The following CDKL3 variants were observed in gnomAD, a reference collection of about 807,000 sequenced individuals.
CDKL3 encodes cyclin dependent kinase like 3.
CDKL3 carries 65 observed loss-of-function variants against 69.3 expected under a neutral mutation model. The ratio of observed to expected loss-of-function variants is 0.94; its 90% CI spans 0.77 to 1.15. CDKL3 has a LOEUF of 1.15. CDKL3 is among the 50% of genes most tolerant of loss of function. The probability of loss-of-function intolerance (pLI) is 0.00; values close to 1 mark genes in which losing one functional copy is unlikely to be tolerated. For synonymous variants in CDKL3, 202 were observed against 221.6 expected (o/e 0.91, Z 0.79); for missense variants, 652 against 689.2 (o/e 0.95, Z 0.61).
exon 9 of CDKL3, chr5:134,286,472 AT>A: frequency 5.1e-6 from 1 of 197,878 alleles, no homozygotes; most frequent in Non-Finnish European, 1.0e-5. Context: ...TTGCTTCCAC[AT>A]TTTTGGGTAT....
At chr5:134,285,531 A>G (rs1368779193), downstream of CDKL3, among the ~76,000 whole-genome samples, 2 of 152,190 alleles carry the variant, frequency 1.3e-5, no homozygotes, top group Non-Finnish European at 2.9e-5. Context: ...TGCACACAGC[A>G]TGGGGACCCT....
chr5:134,344,785 T>C (rs1410572603), intron 4 of CDKL3, among the ~76,000 whole-genome samples: 2 of 152,106 alleles, frequency 1.3e-5, no homozygotes, highest in East Asian at 3.9e-4. Context: ...AGCCATAGGC[T>C]GGGTGCAGTG....
At chr5:134,364,287 T>C (rs983030599) in intron 2 of CDKL3, among the ~76,000 whole-genome samples, 9 of 152,192 alleles carry the variant, frequency 5.9e-5, no homozygotes, top group Non-Finnish European at 1.2e-4. Flanking sequence ...TAGGATTCTG[T>C]CTTCTTCCCT....
intron 8 of CDKL3, among the ~76,000 whole-genome samples, chr5:134,288,611 G>A (rs1181265129): frequency 6.6e-6 from 1 of 152,176 alleles, no homozygotes; most frequent in East Asian, 1.9e-4. Flanking sequence ...AGGGAATTAA[G>A]TCAGGATAAA....
At chr5:134,343,575 G>C (rs961324085) in intron 4 of CDKL3, among the ~76,000 whole-genome samples, 2 of 152,198 alleles carry the variant, frequency 1.3e-5, no homozygotes, top group Admixed American at 1.3e-4. Context: ...TGTAGCTGAA[G>C]GCTACAAGAT....
chr5:134,306,278 T>C (rs1221679198), intron 10 of CDKL3, among the ~76,000 whole-genome samples: 1 of 152,126 alleles, frequency 6.6e-6, no homozygotes, highest in Non-Finnish European at 1.5e-5. Flanking sequence ...AAGGATCCCT[T>C]GAGCTCAGGA....
chr5:134,312,856 C>T (rs1287009769), intron 6 of CDKL3, among the ~76,000 whole-genome samples: 1 of 152,124 alleles, frequency 6.6e-6, no homozygotes, highest in Non-Finnish European at 1.5e-5. Flanking sequence ...CTTTCAATAA[C>T]CCATTATTAA....
At chr5:134,359,720 T>G (rs546164364) in intron 3 of CDKL3, among the ~76,000 whole-genome samples, 177 bp downstream of exon 3, 1 of 152,342 alleles carries the variant, frequency 6.6e-6, no homozygotes, top group African/African-American at 2.4e-5. Context: ...GTGCTCAATA[T>G]TTTTTGGTTC....
downstream of CDKL3, among the ~76,000 whole-genome samples, chr5:134,297,890 TTG>T (rs528154005): frequency 0.22 from 22,782 of 104,838 alleles, 2,441 homozygotes; most frequent in Non-Finnish European, 0.27. Context: ...CATGAATAGT[TTG>T]TGTGTGTGTG....
downstream of CDKL3, among the ~76,000 whole-genome samples, chr5:134,295,872 G>T (rs867496786): frequency 3.3e-5 from 5 of 152,108 alleles, no homozygotes; most frequent in East Asian, 9.7e-4. Flanking sequence ...GATGGAACTA[G>T]GAAACTAGAA....
chr5:134,320,250 G>C (rs1375176433), intron 5 of CDKL3, among the ~76,000 whole-genome samples: 2 of 152,032 alleles, frequency 1.3e-5, no homozygotes, highest in Non-Finnish European at 1.5e-5. Context: ...TCATAATCCT[G>C]TAATTACAAA....
intron 9 of CDKL3, among the ~76,000 whole-genome samples, chr5:134,307,540 C>G (rs1768208573): frequency 2.6e-5 from 4 of 152,178 alleles, no homozygotes; most frequent in Admixed American, 2.6e-4. Flanking sequence ...AGTCTCCTCC[C>G]CTAGAATGAC....
At chr5:134,299,787 CA>C (rs1317961922) in intron 12 of CDKL3, 4 of 1,329,088 alleles carry the variant, frequency 3.0e-6, no homozygotes, top group Non-Finnish European at 4.2e-6. Context: ...TAATTGAGGA[CA>C]TGGTGAGTCT....
At chr5:134,291,164 G>A (rs537633549) in intron 8 of CDKL3, among the ~76,000 whole-genome samples, 13 of 152,282 alleles carry the variant, frequency 8.5e-5, no homozygotes, top group African/African-American at 3.1e-4. Flanking sequence ...AGCATATGGA[G>A]TGAGGAAGAG....
intron 8 of CDKL3, among the ~76,000 whole-genome samples, chr5:134,287,314 C>T (rs1764914284): frequency 6.6e-6 from 1 of 152,148 alleles, no homozygotes; most frequent in Non-Finnish European, 1.5e-5. Flanking sequence ...AGAACCCTGA[C>T]TCAATTATTT....
At chr5:134,292,232 A>G (rs1765151875) in intron 8 of CDKL3, among the ~76,000 whole-genome samples, 1 of 152,206 alleles carries the variant, frequency 6.6e-6, no homozygotes, top group Admixed American at 6.5e-5. Flanking sequence ...ATTAAACAAG[A>G]ATCAATGGAT....
chr5:134,296,527 C>T (rs2085444), downstream of CDKL3, among the ~76,000 whole-genome samples: 23,547 of 152,054 alleles, frequency 0.15, 2,350 homozygotes, highest in African/African-American at 0.28. Flanking sequence ...AATGGGACTT[C>T]AAGCATTAAG....
At chr5:134,357,109 T>C (rs1487630226) in intron 3 of CDKL3, among the ~76,000 whole-genome samples, 1 of 152,164 alleles carries the variant, frequency 6.6e-6, no homozygotes, top group Non-Finnish European at 1.5e-5. Flanking sequence ...GTATCCCCAA[T>C]ATTATTTAGT....
chr5:134,293,613 T>G (rs577547109), downstream of CDKL3, among the ~76,000 whole-genome samples: 1 of 149,134 alleles, frequency 6.7e-6, no homozygotes, highest in Non-Finnish European at 1.5e-5. Flanking sequence ...TGGGGCAACA[T>G]AGCAAGACCC....
Sources: allele counts gnomAD v4.1 joint callset (sites outside exome capture counted in the v4.1 genomes callset), GRCh38; gene constraint gnomAD v4.1.1; transcripts MANE v1.5; gene names NCBI Gene and HGNC (gene_info 2026-07-23, HGNC 2026-07-21).